Variants in MEGF11 observed in about 807,000 individuals in gnomAD.
MEGF11 encodes multiple EGF like domains 11.
Under a neutral mutation model 146.6 loss-of-function variants are expected in MEGF11, and 126 were observed. That is an observed-to-expected ratio of 0.86 (90% CI 0.74 to 1.00). The LOEUF is 1.00. MEGF11 is among the 50% of genes least tolerant of loss of function. The pLI is 0.00. For missense variants in MEGF11, 1,509 were observed against 1,521.2 expected, an observed-to-expected ratio of 0.99 and a Z score of 0.13; for synonymous variants, 532 against 583.4, an observed-to-expected ratio of 0.91 and a Z score of 1.27.
chr15:66,234,589 C>G (rs2092048864), intron 1 of MEGF11, among the ~76,000 whole-genome samples: 1 of 152,200 alleles, frequency 6.6e-6, no homozygotes, highest in African/African-American at 2.4e-5. Context: ...GGCCCAGGCC[C>G]AGGCCCACCA....
chr15:66,003,622 C>T (rs76620910), intron 5 of MEGF11, among the ~76,000 whole-genome samples: 7,508 of 152,204 alleles, frequency 0.049, 245 homozygotes, highest in Non-Finnish European at 0.062. Context: ...CCCTCCCTCA[C>T]CCCACCTCTG....
At chr15:66,207,419 T>G (rs531994873) in intron 1 of MEGF11, among the ~76,000 whole-genome samples, 1 of 152,222 alleles carries the variant, frequency 6.6e-6, no homozygotes, top group South Asian at 2.1e-4. Context: ...ATGTTGAAAG[T>G]AGAAGATAGT....
Position 65,921,537 on chromosome 15 carries a change from A to C in MEGF11, c.1957+801T>G, listed in dbSNP as rs558192138. ...AGCTGAAGTCCTGCATGGTCCATGGAGCCTTCACCCAAATCCACACTGTCT... is the reference window on the plus strand; with the variant it reads ...AGCTGAAGTCCTGCATGGTCCATGGCGCCTTCACCCAAATCCACACTGTCT... On this transcript the variant is annotated intron_variant, in intron 15 of 25. Coordinates refer to ENST00000395614, the MANE Select transcript of MEGF11 (RefSeq NM_001385028.1). 3.9e-5 allele frequency among the ~76,000 whole-genome samples: 6 copies of C among 152,264 alleles called. No homozygotes were observed. In the South Asian group the frequency reaches 1.2e-3, roughly 32 times the overall value.
At chr15:66,003,369 A>C (rs1475417310) in intron 5 of MEGF11, among the ~76,000 whole-genome samples, 2 of 152,130 alleles carry the variant, frequency 1.3e-5, no homozygotes, top group African/African-American at 4.8e-5. Flanking sequence ...TTTCCCTGCC[A>C]TGTGCCAGTG....
chr15:66,197,605 G>C (rs2091041562), intron 1 of MEGF11, among the ~76,000 whole-genome samples: 1 of 152,062 alleles, frequency 6.6e-6, no homozygotes, highest in Non-Finnish European at 1.5e-5. Flanking sequence ...TGTATTTTTA[G>C]TAGATACGGG....
At chr15:66,009,230 C>G (rs572934760) in intron 5 of MEGF11, among the ~76,000 whole-genome samples, 54 of 146,170 alleles carry the variant, frequency 3.7e-4, no homozygotes, top group African/African-American at 1.3e-3. Flanking sequence ...TTAGAGAACA[C>G]GTTAACCTAA....
intron 5 of MEGF11, among the ~76,000 whole-genome samples, chr15:66,053,159 T>C (rs1054829649): frequency 6.6e-6 from 1 of 152,200 alleles, no homozygotes; most frequent in African/African-American, 2.4e-5. Flanking sequence ...GGATACTTCC[T>C]TGTAATTGTT....
At chr15:66,038,607 C>T (rs1287625895) in intron 5 of MEGF11, among the ~76,000 whole-genome samples, 3 of 152,154 alleles carry the variant, frequency 2.0e-5, no homozygotes, top group East Asian at 1.9e-4. Context: ...GTAATGTCCC[C>T]ATTTTACAGA....
chr15:65,973,669 A>G lies in MEGF11; in HGVS notation c.763-2980T>C, dbSNP rs540028623. ...AAATGATTTAACCACAAATTGTAAT[A>G]TAACTCCACTGGGAGGGTGGGAGAG... On this transcript the variant is annotated intron_variant, in intron 7 of 25. Coordinates refer to ENST00000395614, the MANE Select transcript of MEGF11 (RefSeq NM_001385028.1). 1.1e-4 allele frequency among the ~76,000 whole-genome samples: 16 copies of G among 152,292 alleles called. No individual in the cohort carries two copies. In the East Asian group the frequency reaches 1.5e-3, roughly 15 times the overall value.
At chr15:65,906,185 G>C in intron 23 of MEGF11, 44 bp from the exon 24 acceptor site, 17 of 1,455,856 alleles carry the variant, frequency 1.2e-5, no homozygotes, top group African/African-American at 2.8e-5. Context: ...TGGGGGTGAG[G>C]TTTACTTAGA....
intron 15 of MEGF11, 114 bp downstream of exon 15, chr15:65,922,224 G>T: frequency 1.5e-6 from 2 of 1,333,948 alleles, no homozygotes; most frequent in African/African-American, 1.5e-5. Flanking sequence ...CCTGAAGAGG[G>T]AAGGAGCTAC....
intron 4 of MEGF11, among the ~76,000 whole-genome samples, chr15:66,107,857 G>A (rs894601769): frequency 6.6e-6 from 1 of 152,130 alleles, no homozygotes; most frequent in Non-Finnish European, 1.5e-5. Flanking sequence ...AGATACAGAG[G>A]GGTCCCACAT....
chr15:65,910,024 G>A (rs1393819096), intron 21 of MEGF11: 1 of 676,888 alleles, frequency 1.5e-6, no homozygotes, highest in African/African-American at 1.8e-5. Flanking sequence ...CAGCTGTTGG[G>A]CTGAAGTTGT....
In MEGF11 at chr15:66,102,154, G is replaced by T. The variant is rs549500205; in HGVS notation, c.302-7660C>A. On this transcript the variant is annotated intron_variant, in intron 4 of 25. Transcript: ENST00000395614. ...CCCTTAATCGATGCTTCGGGCCCCA[G>T]ATCTGCTCGTGGCCGGCTCCTGGTA... Among the ~76,000 whole-genome samples, 16 of 150,606 alleles carry T rather than the reference G, an allele frequency of 1.1e-4. No homozygotes were observed. In the East Asian group the frequency reaches 3.0e-3, roughly 28 times the overall value.
In MEGF11 at chr15:66,094,381, AC is replaced by A; in HGVS notation, c.394+20del. ...CAAGTCAGAGCCAGGGTGCCTCCTG[AC>A]CCCCAAACCCCAGACTCACCGCTGG... is the stretch of plus-strand genomic sequence containing the variant. On this transcript the variant is annotated intron_variant, in intron 5 of 25. Transcript: ENST00000395614. 1 of 1,545,754 alleles carries A rather than the reference AC, an allele frequency of 6.5e-7. No homozygotes were observed. Among genetic ancestry groups the A allele is most frequent in the Non-Finnish European group, 8.8e-7 (1 of 1,142,642 alleles).
intron 5 of MEGF11, among the ~76,000 whole-genome samples, chr15:66,014,039 T>C (rs1596990225): frequency 6.6e-6 from 1 of 151,986 alleles, no homozygotes; most frequent in Non-Finnish European, 1.5e-5. Flanking sequence ...CTGATTACAA[T>C]GGGTTTGAGT....
chr15:66,217,423 C>G (rs1000101368), intron 1 of MEGF11, among the ~76,000 whole-genome samples: 3 of 152,236 alleles, frequency 2.0e-5, no homozygotes, highest in Non-Finnish European at 4.4e-5. Context: ...AAAAGGACAG[C>G]TATGCAGCTG....
At chr15:65,971,467 T>A (rs2081293946) in intron 7 of MEGF11, among the ~76,000 whole-genome samples, 1 of 152,154 alleles carries the variant, frequency 6.6e-6, no homozygotes, top group African/African-American at 2.4e-5. Flanking sequence ...AGGTGAATTG[T>A]CCAAGTCTTT....
At chr15:65,990,366 C>T (rs1279147143) in intron 5 of MEGF11, among the ~76,000 whole-genome samples, 3 of 152,230 alleles carry the variant, frequency 2.0e-5, no homozygotes, top group South Asian at 2.1e-4. Flanking sequence ...GCCTGGGCAA[C>T]GTGGCAAAAC....
Sources: allele counts gnomAD v4.1 joint callset (sites outside exome capture counted in the v4.1 genomes callset), GRCh38; gene constraint gnomAD v4.1.1; transcripts MANE v1.5; gene names NCBI Gene and HGNC (gene_info 2026-07-23, HGNC 2026-07-21).